RHOG: variants seen among roughly 807,000 people sequenced by gnomAD.
The protein encoded by RHOG is ras homolog family member G, also known as rho-related GTP-binding protein RhoG.
RHOG carries 1 observed loss-of-function variant against 12.3 expected under a neutral mutation model. The observed-to-expected ratio is 0.08, with a 90% CI of 0.03 to 0.39. The LOEUF is 0.39. Among genes scored for constraint, RHOG ranks in the 10% least tolerant of loss-of-function variants. The probability of loss-of-function intolerance (pLI) is 0.99; values close to 1 mark genes in which losing one functional copy is unlikely to be tolerated. For synonymous variants in RHOG, 129 were observed against 116.0 expected, an observed-to-expected ratio of 1.11 and a Z score of -0.72; for missense variants, 114 against 266.2, an observed-to-expected ratio of 0.43 and a Z score of 3.98.
intron 1 of RHOG, among the ~76,000 whole-genome samples, chr11:3,829,236 T>A (rs1258849260): frequency 2.0e-5 from 3 of 150,436 alleles, no homozygotes; most frequent in Non-Finnish European, 4.4e-5. Context: ...CAGGGTATTC[T>A]GGCAATGGGG....
intron 1 of RHOG, among the ~76,000 whole-genome samples, chr11:3,828,996 T>G (rs2090110168): frequency 6.6e-6 from 1 of 151,856 alleles, no homozygotes; most frequent in Non-Finnish European, 1.5e-5. Context: ...TACTAGATCC[T>G]CTACTAAATA....
intron 1 of RHOG, chr11:3,830,409 C>T (rs1259367747): frequency 6.6e-6 from 1 of 152,162 alleles, no homozygotes; most frequent in Admixed American, 6.5e-5. Context: ...AATCTTAGCA[C>T]TTTGGGAGAA....
At chr11:3,836,357 CAAAAAAAAAA>C (rs61427960) in intron 1 of RHOG, among the ~76,000 whole-genome samples, 1 of 119,592 alleles carries the variant, frequency 8.4e-6, no homozygotes, top group Non-Finnish European at 1.7e-5. Context: ...ACTCCATCTC[CAAAAAAAAAA>C]AAAAAAGAAA....
intron 1 of RHOG, among the ~76,000 whole-genome samples, chr11:3,833,197 G>A (rs1392752932): frequency 6.6e-6 from 1 of 152,096 alleles, no homozygotes; most frequent in South Asian, 2.1e-4. Context: ...CAACCTCCCA[G>A]GCTCAAGGCA....
Position 3,828,051 on chromosome 11 carries a change from T to C in RHOG, c.88A>G (p.Lys30Glu). ...TCGAACACGGTGGGGATGTACTCTT[T>C]GGGGAAAGCGTTAGTTGTGTAGCAG... The part of the protein sequence containing the change: ...LICYTTNAFP[K>E]EYIPTVFDNY... Residue 30 changes from lysine (K) to glutamate (E), a missense_variant, in exon 2 of 2, where the codon AAA (lysine) becomes GAA (glutamate). Transcript: ENST00000351018. The C allele has an allele frequency of 6.2e-7, 1 of 1,614,242 alleles. No homozygotes were observed. Among genetic ancestry groups the C allele is most frequent in the Admixed American group, 1.7e-5 (1 of 60,028 alleles).
intron 1 of RHOG, among the ~76,000 whole-genome samples, chr11:3,837,025 C>A (rs1178976565): frequency 2.0e-5 from 3 of 151,960 alleles, no homozygotes; most frequent in Non-Finnish European, 2.9e-5. Flanking sequence ...ACACTGGCTT[C>A]CTCCTCCCCG....
intron 1 of RHOG, among the ~76,000 whole-genome samples, chr11:3,838,483 A>T (rs1167131793): frequency 8.1e-6 from 1 of 123,986 alleles, no homozygotes; most frequent in Non-Finnish European, 1.8e-5. Context: ...TGATGCTGGG[A>T]AAGTGCCTTG....
intron 1 of RHOG, among the ~76,000 whole-genome samples, chr11:3,840,018 AAAG>A (rs750442215): frequency 6.6e-4 from 100 of 152,266 alleles, no homozygotes; most frequent in Non-Finnish European, 1.2e-3. Context: ...GGTAGAAACT[AAAG>A]AAGGTGTGGA....
At chr11:3,833,829 CTT>C (rs1423380317) in intron 1 of RHOG, among the ~76,000 whole-genome samples, 4 of 152,174 alleles carry the variant, frequency 2.6e-5, no homozygotes, top group African/African-American at 7.2e-5. Flanking sequence ...AACTTTTACT[CTT>C]TGTTTTTCCC....
intron 1 of RHOG, among the ~76,000 whole-genome samples, chr11:3,838,509 C>A (rs541712812): frequency 8.1e-6 from 1 of 124,050 alleles, no homozygotes; most frequent in East Asian, 1.9e-4. Flanking sequence ...ACATCCTTCT[C>A]TAACCTGGGC....
intron 1 of RHOG, among the ~76,000 whole-genome samples, chr11:3,828,622 ATTTTTTT>A (rs755612599): frequency 1.6e-5 from 2 of 125,756 alleles, no homozygotes; most frequent in African/African-American, 6.3e-5. Context: ...AGTATTAGCT[ATTTTTTT>A]TTTTTTTTTT....
rs1235205548 is a variant in RHOG, at chr11:3,832,235, A to G, written c.-68-4029T>C. Among the ~76,000 whole-genome samples, 3 of 152,222 alleles carry G rather than the reference A, an allele frequency of 2.0e-5. No homozygotes were observed. The South Asian group carries it at 6.2e-4, about 32-fold the overall frequency. ...CATTTGACCTTTATAACAACCTGTT[A>G]GTACTATGCCTATTCTACAGATGAG... is the stretch of plus-strand genomic sequence containing the variant. On this transcript the variant is annotated intron_variant, in intron 1 of 1. Coordinates refer to ENST00000351018, the MANE Select transcript of RHOG (RefSeq NM_001665.4).
At position 3,836,757 on chromosome 11, in the gene RHOG, G is replaced by T. The variant is rs1590480535; in HGVS notation, c.-69+4137C>A. Among the ~76,000 whole-genome samples the T allele has an allele frequency of 2.0e-5, 3 of 151,878 alleles. No individual in the cohort carries two copies. In the South Asian group the frequency reaches 6.2e-4, roughly 32 times the overall value. On this transcript the variant is annotated intron_variant, in intron 1 of 1. Coordinates refer to ENST00000351018, the MANE Select transcript of RHOG (RefSeq NM_001665.4). ...CTACTAAAAAATACAAAAAAAATTA[G>T]CTGGGCCTGGTGGTGCATGCCGGTA...
At chr11:3,828,749 T>C (rs1251854262) in intron 1 of RHOG, among the ~76,000 whole-genome samples, 3 of 150,674 alleles carry the variant, frequency 2.0e-5, no homozygotes, top group African/African-American at 4.9e-5. Flanking sequence ...GCCTCTCGAG[T>C]AGCTGGGACT....
chr11:3,832,775 G>A (rs575174289), intron 1 of RHOG, among the ~76,000 whole-genome samples: 1 of 152,324 alleles, frequency 6.6e-6, no homozygotes, highest in South Asian at 2.1e-4. Context: ...AGGGCATATA[G>A]AGTCTAAACT....
At chr11:3,832,375 T>G (rs965085526) in intron 1 of RHOG, among the ~76,000 whole-genome samples, 1 of 152,220 alleles carries the variant, frequency 6.6e-6, no homozygotes. Context: ...TGGTGCATCA[T>G]ACAGTCTTCA....
Position 3,827,465 on chromosome 11 carries a change from G to A in RHOG, c.*98C>T. ...TTCAGGGAACCCCCTGGAAAGGGGT[G>A]CCAGAATTAGTCCTTAAGGCACAGC... is the stretch of plus-strand genomic sequence containing the variant. On this transcript the variant is annotated 3_prime_UTR_variant, in exon 2 of 2. Transcript: ENST00000351018. This position sits in a 1 kb window ranked among gnomAD's most constrained non-coding sequence, Gnocchi z 7.3. 1.0e-6 allele frequency: 1 copy of A among 971,972 alleles called. No homozygotes were observed. The allele number at this position is 971,972 out of a possible 1,614,324, so 60.2% of individuals were successfully genotyped here. A position where few individuals can be genotyped will look rare whatever the true frequency, so the allele number is the denominator to read the frequency against.
At chr11:3,830,098 A>C (rs1336153609) in intron 1 of RHOG, among the ~76,000 whole-genome samples, 1 of 152,196 alleles carries the variant, frequency 6.6e-6, no homozygotes, top group Non-Finnish European at 1.5e-5. Flanking sequence ...AGAGTAAGAC[A>C]AAAACTTGAC....
chr11:3,838,359 C>G (rs1263676710), intron 1 of RHOG, among the ~76,000 whole-genome samples: 1 of 152,216 alleles, frequency 6.6e-6, no homozygotes, highest in Admixed American at 6.5e-5. Flanking sequence ...CCTGTCTCAC[C>G]CATCTTGTCT....
Sources: allele counts gnomAD v4.1 joint callset (sites outside exome capture counted in the v4.1 genomes callset), GRCh38; gene constraint gnomAD v4.1.1; non-coding constraint Gnocchi (gnomAD v3.1); transcripts MANE v1.5; gene names NCBI Gene and HGNC (gene_info 2026-07-23, HGNC 2026-07-21).